SLC25A48: variants seen among roughly 807,000 people sequenced by gnomAD.
SLC25A48 encodes solute carrier family 25 member 48.
Under a neutral mutation model 32.2 loss-of-function variants are expected in SLC25A48, and 29 were observed. The ratio of observed to expected loss-of-function variants is 0.90; its 90% CI spans 0.67 to 1.23. SLC25A48 has a LOEUF of 1.23. Among genes scored for constraint, SLC25A48 ranks in the 50% most tolerant of loss-of-function variants. The probability of loss-of-function intolerance (pLI) is 0.00; values close to 1 mark genes in which losing one functional copy is unlikely to be tolerated. For synonymous variants in SLC25A48, 164 were observed against 172.3 expected (o/e 0.95, Z 0.38); for missense variants, 399 against 422.7 (o/e 0.94, Z 0.49).
At position 135,811,697 on chromosome 5, in the gene SLC25A48, AT is replaced by A. The variant is rs200599288; in HGVS notation, c.-520-823del. Reference sequence around the variant, plus strand: ...CTTGTCAATTAAAAATGAGTAAGTAATTTAAAAAAAAATAAGTGCAGGAAAA... The same window carrying A: ...CTTGTCAATTAAAAATGAGTAAGTAATTAAAAAAAAATAAGTGCAGGAAAA... On this transcript the variant is annotated intron_variant, in intron 3 of 10. Coordinates refer to the SLC25A48 transcript ENST00000646290. Among the ~76,000 whole-genome samples, 1,083 of 152,304 alleles carry A rather than the reference AT, an allele frequency of 7.1e-3. 16 individuals are homozygous for A. Among genetic ancestry groups the A allele is most frequent in the African/African-American group, 0.025 (1,058 of 41,558 alleles).
intron 3 of SLC25A48, among the ~76,000 whole-genome samples, chr5:135,762,064 G>A (rs761394798): frequency 1.6e-4 from 25 of 152,224 alleles, no homozygotes; most frequent in South Asian, 8.3e-4. Context: ...AGCACTGTCC[G>A]ACAGAAGTTT....
intron 3 of SLC25A48, among the ~76,000 whole-genome samples, chr5:135,741,703 T>G (rs905577972): frequency 7.2e-5 from 11 of 152,162 alleles, no homozygotes; most frequent in African/African-American, 2.7e-4. Context: ...ATCATAGCAC[T>G]GTACTTCAGC....
At chr5:135,731,280 C>T (rs1430317444) in intron 3 of SLC25A48, among the ~76,000 whole-genome samples, 1 of 152,166 alleles carries the variant, frequency 6.6e-6, no homozygotes, top group African/African-American at 2.4e-5. Flanking sequence ...AGGAACAGGC[C>T]ATTCTCACTT....
chr5:135,818,080 TCTCTCTCTCTCTCTCTCTCTC>T lies in SLC25A48; in HGVS notation c.-117+5155_-117+5175del, dbSNP rs1470247802. ...CTCTCTCTCTCTCTCTCTCTCTCTC[TCTCTCTCTCTCTCTCTCTCTC>T]TCTCTCTCTCTCTCTCTCCCTCTGT... On this transcript the variant is annotated intron_variant, in intron 4 of 10. Transcript: ENST00000646290. Among the ~76,000 whole-genome samples the T allele has an allele frequency of 4.7e-4, 59 of 124,322 alleles. 1 individual carries two copies. Among genetic ancestry groups the T allele is most frequent in the Admixed American group, 8.6e-4 (11 of 12,734 alleles). The allele number at this position is 124,322 out of a possible 152,430, so 81.6% of individuals were successfully genotyped here.
chr5:135,796,064 G>A (rs142067641), intron 3 of SLC25A48, among the ~76,000 whole-genome samples: 39 of 151,096 alleles, frequency 2.6e-4, no homozygotes, highest in African/African-American at 7.0e-4. Flanking sequence ...ATCCAGTGTC[G>A]GAGAGGATGA....
At position 135,842,529 on chromosome 5, in the gene SLC25A48, C is replaced by G. The variant is rs909212127; in HGVS notation, c.90+70C>G. The G allele has an allele frequency of 2.8e-6, 4 of 1,448,758 alleles. No homozygotes were observed. The East Asian group carries it at 6.8e-5, about 25-fold the overall frequency. 89.7% of individuals were successfully genotyped at this position (1,448,758 alleles called of 1,614,324 possible). On this transcript the variant is annotated intron_variant, in intron 2 of 7. Transcript: ENST00000681962. Reference sequence around the variant, plus strand: ...AGCTGACCTGCCTCTGGGACTATTCCTGCTGTTTCTAATCTCTCAGAGAGT... The same window carrying G: ...AGCTGACCTGCCTCTGGGACTATTCGTGCTGTTTCTAATCTCTCAGAGAGT...
At chr5:135,747,755 A>G (rs917135281) in intron 3 of SLC25A48, among the ~76,000 whole-genome samples, 55 of 152,220 alleles carry the variant, frequency 3.6e-4, no homozygotes, top group Non-Finnish European at 1.5e-5. Context: ...AGTACTACTA[A>G]TTATAGCCAG....
chr5:135,766,355 G>GGA (rs1756228248), intron 3 of SLC25A48, among the ~76,000 whole-genome samples: 1 of 38,228 alleles, frequency 2.6e-5, no homozygotes, highest in South Asian at 1.1e-3. Flanking sequence ...GTAATATCAA[G>GGA]GGGGGGGGAA....
chr5:135,595,868 C>G (rs1751638066), intron 1 of SLC25A48, among the ~76,000 whole-genome samples: 1 of 152,214 alleles, frequency 6.6e-6, no homozygotes. Context: ...CAGGTTGCAT[C>G]TATTCACACA....
At chr5:135,691,757 G>A (rs1311562683) in intron 3 of SLC25A48, among the ~76,000 whole-genome samples, 1 of 152,190 alleles carries the variant, frequency 6.6e-6, no homozygotes, top group Admixed American at 6.5e-5. Flanking sequence ...CTCTAGAGCT[G>A]TAAAGTGGAA....
intron 3 of SLC25A48, among the ~76,000 whole-genome samples, chr5:135,724,183 T>A (rs1370826991): frequency 6.6e-6 from 1 of 152,264 alleles, no homozygotes; most frequent in Non-Finnish European, 1.5e-5. Context: ...CTGCCATTTA[T>A]TGAGCGTTTT....
chr5:135,765,119 T>C (rs1756173840), intron 3 of SLC25A48, among the ~76,000 whole-genome samples: 1 of 151,482 alleles, frequency 6.6e-6, no homozygotes, highest in Non-Finnish European at 1.5e-5. Flanking sequence ...ATACACCCCT[T>C]TGTGATATGG....
intron 3 of SLC25A48, among the ~76,000 whole-genome samples, chr5:135,725,091 C>A (rs1345343016): frequency 6.6e-6 from 1 of 152,236 alleles, no homozygotes; most frequent in African/African-American, 2.4e-5. Context: ...GATGACCATA[C>A]CTTTCCTGGG....
At position 135,681,495 on chromosome 5, in the gene SLC25A48, C is replaced by A. The variant is rs564170592; in HGVS notation, c.-521+46539C>A. Among the ~76,000 whole-genome samples, 291 of 152,160 alleles carry A rather than the reference C, an allele frequency of 1.9e-3. 4 individuals are homozygous for A. The highest frequency in any genetic ancestry group is 3.3e-3 in the South Asian group (16 of 4,820). On this transcript the variant is annotated intron_variant, in intron 3 of 10. Coordinates refer to the SLC25A48 transcript ENST00000646290. ...ACACAGAGAATGTAATGGTAATAAC[C>A]TTTTAAATGTTCTTGTTTATTAATT...
intron 1 of SLC25A48, among the ~76,000 whole-genome samples, chr5:135,613,493 CT>C (rs1390067651): frequency 6.6e-6 from 1 of 152,154 alleles, no homozygotes; most frequent in Admixed American, 6.5e-5. Context: ...GCTATAAAAT[CT>C]TTGCCTAGGG....
chr5:135,652,277 C>A, intron 3 of SLC25A48: 1 of 427,954 alleles, frequency 2.3e-6, no homozygotes, highest in South Asian at 1.7e-5. Flanking sequence ...AGATTGATTA[C>A]AATGGACCTT....
At chr5:135,802,632 G>A (rs989996950) in intron 3 of SLC25A48, among the ~76,000 whole-genome samples, 2 of 149,462 alleles carry the variant, frequency 1.3e-5, no homozygotes, top group African/African-American at 4.9e-5. Context: ...TACACCATGT[G>A]TGTTCACCCT....
chr5:135,592,371 C>A (rs1370141896), intron 1 of SLC25A48, among the ~76,000 whole-genome samples: 1 of 152,144 alleles, frequency 6.6e-6, no homozygotes, highest in African/African-American at 2.4e-5. Flanking sequence ...AACATCTTGA[C>A]TTTGTTCTGT....
intron 2 of SLC25A48, among the ~76,000 whole-genome samples, chr5:135,846,776 G>A (rs538117180): frequency 1.3e-5 from 2 of 152,260 alleles, no homozygotes; most frequent in African/African-American, 2.4e-5. Flanking sequence ...CAAAGAAAGT[G>A]TCAGAGACCT....
Sources: gnomAD v4.1 joint callset for allele counts (sites outside exome capture counted in the v4.1 genomes callset) on GRCh38, gnomAD v4.1.1 for gene constraint, MANE v1.5 for transcripts, NCBI Gene and HGNC (gene_info 2026-07-23, HGNC 2026-07-21) for gene names.